Variants in PDK1 observed in about 807,000 individuals in gnomAD.
PDK1 encodes the protein [Pyruvate dehydrogenase (acetyl-transferring)] kinase isozyme 1, mitochondrial.
A neutral mutation model predicts 54.2 loss-of-function variants in PDK1; 39 were observed. The ratio of observed to expected loss-of-function variants is 0.72; its 90% confidence interval spans 0.56 to 0.94. PDK1 has a LOEUF of 0.94. Ranked by LOEUF, PDK1 falls within the 40% of genes least tolerant of loss-of-function variation. PDK1 has a pLI of 0.00. For missense variants in PDK1, 552 were observed against 566.0 expected (o/e 0.98, Z 0.25); for synonymous variants, 221 against 207.1 (o/e 1.07, Z -0.58).
At chr2:172,632,345 A>G in the PDK1 span, among the ~76,000 whole-genome samples, 1 of 152,196 alleles carries the variant, frequency 6.6e-6, no homozygotes, top group Non-Finnish European at 1.5e-5. Context: ...TTAATATAGG[A>G]AAAAGGGAAC....
the PDK1 span, among the ~76,000 whole-genome samples, chr2:172,686,692 A>G: frequency 1.3e-5 from 2 of 152,178 alleles, no homozygotes; most frequent in East Asian, 1.9e-4. Context: ...GCTGCTCACA[A>G]TAAATCAGCT....
rs1158287825 is a variant in PDK1, at chr2:172,597,716, TGTTA to T, written c.*1752_*1755del. 6.6e-6 allele frequency: 1 copy of T among 152,176 alleles called. No homozygotes were observed. 9.4% of individuals were successfully genotyped at this position (152,176 alleles called of 1,614,324 possible). A position where few individuals can be genotyped will look rare whatever the true frequency, so the allele number is the denominator to read the frequency against. Reference sequence around the variant, plus strand: ...AGACTGTGTCATTTAGAGACTGTGTTGTTAGTTATCCCTCAACATCTTCTAAGGT... The same window carrying T: ...AGACTGTGTCATTTAGAGACTGTGTTGTTATCCCTCAACATCTTCTAAGGT... On this transcript the variant is annotated 3_prime_UTR_variant, in exon 11 of 11. Coordinates refer to ENST00000282077, the MANE Select transcript of PDK1 (RefSeq NM_002610.5).
At chr2:172,660,370 C>T in the PDK1 span, among the ~76,000 whole-genome samples, 1 of 146,798 alleles carries the variant, frequency 6.8e-6, no homozygotes, top group Non-Finnish European at 1.5e-5. Flanking sequence ...AATTCTCCTG[C>T]CTCAGCCTCC....
the PDK1 span, among the ~76,000 whole-genome samples, chr2:172,650,948 A>G: frequency 1.3e-5 from 2 of 152,240 alleles, no homozygotes; most frequent in African/African-American, 2.4e-5. Flanking sequence ...AAGGATATCC[A>G]GGAATTGAAT....
intron 8 of PDK1, among the ~76,000 whole-genome samples, chr2:172,581,669 C>G (rs1023203388): frequency 2.0e-5 from 3 of 152,138 alleles, no homozygotes; most frequent in African/African-American, 7.2e-5. Context: ...CTTGCTTTTT[C>G]TTCAGTCGAG....
the PDK1 span, among the ~76,000 whole-genome samples, chr2:172,697,615 A>G: frequency 2.0e-5 from 3 of 152,214 alleles, no homozygotes; most frequent in African/African-American, 7.2e-5. Context: ...AGAGATGTTA[A>G]TTAACCCCAA....
chr2:172,653,124 T>C, the PDK1 span, among the ~76,000 whole-genome samples: 2 of 152,100 alleles, frequency 1.3e-5, no homozygotes, highest in Admixed American at 1.3e-4. Flanking sequence ...AAAACAGAGA[T>C]ATAGACCAAT....
the PDK1 span, among the ~76,000 whole-genome samples, chr2:172,655,974 T>A: frequency 1.3e-5 from 2 of 152,236 alleles, no homozygotes; most frequent in Admixed American, 6.5e-5. Context: ...ACAAACACTT[T>A]AAACATGAGA....
Position 172,603,458 on chromosome 2 carries a change from T to C in PDK1, c.*7489T>C, listed in dbSNP as rs1273704051. The stretch of plus-strand genomic sequence containing the variant: ...GGCTAATGCAAGGAAGTGATACCCA[T>C]GTGTAATGCTTATCTTTGTATCCAT... On this transcript the variant is annotated 3_prime_UTR_variant, in exon 11 of 11. Coordinates refer to ENST00000282077, the MANE Select transcript of PDK1 (RefSeq NM_002610.5). 1 of 152,232 alleles carries C rather than the reference T, an allele frequency of 6.6e-6. No individual in the cohort carries two copies. The highest frequency in any genetic ancestry group is 1.5e-5 in the Non-Finnish European group (1 of 68,046). 9.4% of individuals were successfully genotyped at this position (152,232 alleles called of 1,614,324 possible).
the PDK1 span, among the ~76,000 whole-genome samples, chr2:172,718,969 G>T: frequency 0.018 from 2,726 of 151,890 alleles, 92 homozygotes; most frequent in African/African-American, 0.062. Context: ...CCCAAAATTG[G>T]TTTTTTTTAG....
the PDK1 span, among the ~76,000 whole-genome samples, chr2:172,657,970 T>A: frequency 6.6e-6 from 1 of 152,156 alleles, no homozygotes; most frequent in African/African-American, 2.4e-5. Context: ...GGAACTGGCA[T>A]GTGCAGAGAT....
At chr2:172,643,404 C>T in the PDK1 span, among the ~76,000 whole-genome samples, 1 of 152,212 alleles carries the variant, frequency 6.6e-6, no homozygotes, top group South Asian at 2.1e-4. Flanking sequence ...TCCCAAGCCT[C>T]GATCTGCAGC....
At chr2:172,658,541 C>T in the PDK1 span, among the ~76,000 whole-genome samples, 1 of 152,154 alleles carries the variant, frequency 6.6e-6, no homozygotes, top group Non-Finnish European at 1.5e-5. Flanking sequence ...ACCATAAGGT[C>T]TCACTGCCTG....
chr2:172,594,703 C>T (rs901398623), intron 10 of PDK1, among the ~76,000 whole-genome samples: 14 of 152,118 alleles, frequency 9.2e-5, no homozygotes, highest in Non-Finnish European at 1.8e-4. Flanking sequence ...TTAAAATTGT[C>T]AACATCAAAG....
the PDK1 span, among the ~76,000 whole-genome samples, chr2:172,657,463 TAAC>T: frequency 0.012 from 1,732 of 148,600 alleles, no homozygotes; most frequent in Middle Eastern, 0.021. Context: ...TTATATTTTT[TAAC>T]TTGTGGTTTT....
chr2:172,667,857 T>C, the PDK1 span, among the ~76,000 whole-genome samples: 61 of 152,210 alleles, frequency 4.0e-4, 1 homozygote, highest in Admixed American at 4.0e-3. Flanking sequence ...AGAAACTAAA[T>C]GCCACCAATG....
chr2:172,659,761 C>A, the PDK1 span, among the ~76,000 whole-genome samples: 1 of 152,212 alleles, frequency 6.6e-6, no homozygotes, highest in Non-Finnish European at 1.5e-5. Flanking sequence ...CTTTAACAGG[C>A]TCTCCTGGCT....
the PDK1 span, among the ~76,000 whole-genome samples, chr2:172,651,385 A>G: frequency 6.6e-6 from 1 of 152,228 alleles, no homozygotes; most frequent in Non-Finnish European, 1.5e-5. Context: ...AAGATCTAAA[A>G]TTGACACCCT....
the PDK1 span, among the ~76,000 whole-genome samples, chr2:172,645,617 T>G: frequency 6.6e-6 from 1 of 152,176 alleles, no homozygotes; most frequent in Non-Finnish European, 1.5e-5. Context: ...AGGCACTGTA[T>G]AACGCCACTA....
Sources: gnomAD v4.1 joint callset for allele counts (sites outside exome capture counted in the v4.1 genomes callset) on GRCh38, gnomAD v4.1.1 for gene constraint, MANE v1.5 for transcripts, NCBI Gene and HGNC (gene_info 2026-07-23, HGNC 2026-07-21) for gene names.